The following UNC13B variants were observed in gnomAD, a reference collection of about 807,000 sequenced individuals.
UNC13B encodes protein unc-13 homolog B.
UNC13B carries 144 observed loss-of-function variants against 211.0 expected under a neutral mutation model. The observed-to-expected ratio is 0.68, with a 90% CI of 0.60 to 0.78. The LOEUF (loss-of-function observed/expected upper bound fraction) is 0.78. Ranked by LOEUF, UNC13B falls within the 30% of genes least tolerant of loss-of-function variation. The pLI is 0.00. For synonymous variants in UNC13B, 709 were observed against 725.8 expected, an observed-to-expected ratio of 0.98 and a Z score of 0.37; for missense variants, 1,777 against 2,002.0, an observed-to-expected ratio of 0.89 and a Z score of 2.14.
At chr9:35,199,432 T>C (rs1008209428) in intron 1 of UNC13B, among the ~76,000 whole-genome samples, 5 of 152,212 alleles carry the variant, frequency 3.3e-5, no homozygotes, top group Admixed American at 2.6e-4. Context: ...TCTTCCACAA[T>C]GGTTGAACTA....
intron 7 of UNC13B, among the ~76,000 whole-genome samples, chr9:35,261,921 G>A (rs1214015576): frequency 6.6e-6 from 1 of 152,000 alleles, no homozygotes; most frequent in African/African-American, 2.4e-5. Context: ...ATGTCCTCCA[G>A]TTTCATCCAT....
chr9:35,289,575 T>A (rs10972425), intron 7 of UNC13B, among the ~76,000 whole-genome samples: 4,013 of 152,328 alleles, frequency 0.026, 180 homozygotes, highest in African/African-American at 0.09. Flanking sequence ...GTGACACTTG[T>A]GTTATTGTTA....
intron 25 of UNC13B, 132 bp downstream of exon 25, chr9:35,390,105 C>T: frequency 4.7e-6 from 7 of 1,475,764 alleles, no homozygotes; most frequent in Non-Finnish European, 6.4e-6. Context: ...GTCCCTCTGT[C>T]CCTTGTATCT....
intron 5 of UNC13B, among the ~76,000 whole-genome samples, chr9:35,239,815 A>G (rs531171168): frequency 6.6e-6 from 1 of 152,228 alleles, no homozygotes; most frequent in Non-Finnish European, 1.5e-5. Flanking sequence ...AAAGAAGAGA[A>G]ATATGGCTCT....
chr9:35,196,987 T>A (rs1822981340), intron 1 of UNC13B, among the ~76,000 whole-genome samples: 1 of 152,064 alleles, frequency 6.6e-6, no homozygotes, highest in Non-Finnish European at 1.5e-5. Flanking sequence ...CCCAGGCTGG[T>A]CTTGAGCTCC....
At chr9:35,242,963 T>C (rs1825889446) in intron 5 of UNC13B, among the ~76,000 whole-genome samples, 1 of 152,186 alleles carries the variant, frequency 6.6e-6, no homozygotes. Flanking sequence ...TATGGTTACA[T>C]AGAAAGAATG....
At chr9:35,269,379 C>CT (rs1827751558) in intron 7 of UNC13B, among the ~76,000 whole-genome samples, 1 of 152,192 alleles carries the variant, frequency 6.6e-6, no homozygotes, top group Non-Finnish European at 1.5e-5. Context: ...ACTTCTGTCC[C>CT]TGTGGAGTTT....
intron 1 of UNC13B, among the ~76,000 whole-genome samples, chr9:35,175,644 G>A (rs553490460): frequency 6.6e-6 from 1 of 152,166 alleles, no homozygotes; most frequent in Non-Finnish European, 1.5e-5. Flanking sequence ...TAGCTGATGA[G>A]TATTTGGGCA....
chr9:35,163,047 T>C (rs1820861433), intron 1 of UNC13B, among the ~76,000 whole-genome samples: 2 of 152,176 alleles, frequency 1.3e-5, no homozygotes, highest in Non-Finnish European at 2.9e-5. Flanking sequence ...GACTGTTTCT[T>C]ATTAGTTTTT....
At chr9:35,281,127 G>A (rs1281982839) in intron 7 of UNC13B, among the ~76,000 whole-genome samples, 1 of 151,914 alleles carries the variant, frequency 6.6e-6, no homozygotes, top group East Asian at 1.9e-4. Flanking sequence ...GCATGCGCCT[G>A]TAGTCCCAGC....
At chr9:35,204,551 C>G (rs1823531971) in intron 1 of UNC13B, among the ~76,000 whole-genome samples, 1 of 152,230 alleles carries the variant, frequency 6.6e-6, no homozygotes, top group Non-Finnish European at 1.5e-5. Context: ...GAGCCCACTC[C>G]TTGCATCAGT....
At chr9:35,336,298 T>G (rs1466063776) in intron 11 of UNC13B, among the ~76,000 whole-genome samples, 1 of 151,962 alleles carries the variant, frequency 6.6e-6, no homozygotes, top group Non-Finnish European at 1.5e-5. Flanking sequence ...CTTCTATATA[T>G]CCTTTCTTAC....
chr9:35,388,419 C>A (rs1005940258), intron 24 of UNC13B, among the ~76,000 whole-genome samples: 3 of 151,982 alleles, frequency 2.0e-5, no homozygotes, highest in Non-Finnish European at 4.4e-5. Context: ...AAAAAAAAGA[C>A]AAAATAAAAA....
chr9:35,365,022 C>T (rs990024547), intron 11 of UNC13B, among the ~76,000 whole-genome samples: 1 of 152,266 alleles, frequency 6.6e-6, no homozygotes, highest in South Asian at 2.1e-4. Flanking sequence ...CAGGCATTTC[C>T]TGCCTCTTGC....
At chr9:35,327,595 A>G (rs1191562658) in intron 11 of UNC13B, among the ~76,000 whole-genome samples, 1 of 152,136 alleles carries the variant, frequency 6.6e-6, no homozygotes, top group Admixed American at 6.5e-5. Flanking sequence ...GCAGCCAATT[A>G]GATTGTGCCC....
Position 35,396,544 on chromosome 9 carries a change from C to T in UNC13B, c.11377C>T (p.His3793Tyr). Residue 3793 changes from histidine to tyrosine, a missense_variant, in exon 27 of 40, where the codon CAC becomes TAC. His to Tyr is a moderately conservative substitution (Grantham distance 83, BLOSUM62 2). Coordinates refer to ENST00000635942, the MANE Select transcript of UNC13B (RefSeq NM_001371189.2). ...CCTGCACTTCAAGGTGAAGTGGCTCCACAATGAATACGTGCGGGATCTGCC... is the reference window on the plus strand; with the variant it reads ...CCTGCACTTCAAGGTGAAGTGGCTCTACAATGAATACGTGCGGGATCTGCC... ...MNLHFKVKWL[H>Y]NEYVRDLPVL... 3 of 1,614,112 alleles carry T rather than the reference C, an allele frequency of 1.9e-6. No homozygotes were observed. Among genetic ancestry groups the T allele is most frequent in the Non-Finnish European group, 2.5e-6 (3 of 1,180,036 alleles).
intron 1 of UNC13B, among the ~76,000 whole-genome samples, chr9:35,217,985 C>T (rs958714903): frequency 6.6e-6 from 1 of 151,954 alleles, no homozygotes; most frequent in Non-Finnish European, 1.5e-5. Flanking sequence ...GTTTGCACCA[C>T]TGCACTTCAG....
chr9:35,390,745 A>T (rs1458317763), intron 26 of UNC13B, 31 bp downstream of exon 26: 1 of 1,597,034 alleles, frequency 6.3e-7, no homozygotes, highest in East Asian at 2.2e-5. Context: ...GTGGGCTGCC[A>T]GGCTCCTAGC....
chr9:35,169,469 G>A (rs537251389), intron 1 of UNC13B, among the ~76,000 whole-genome samples: 11 of 152,318 alleles, frequency 7.2e-5, no homozygotes, highest in South Asian at 6.2e-4. Context: ...AAGTAGGAAT[G>A]GTAATGATAT....
Sources: gnomAD v4.1 joint callset for allele counts (sites outside exome capture counted in the v4.1 genomes callset) on GRCh38, gnomAD v4.1.1 for gene constraint, MANE v1.5 for transcripts, NCBI Gene and HGNC (gene_info 2026-07-23, HGNC 2026-07-21) for gene names.